Variants in C4orf51 observed in about 807,000 individuals in gnomAD.
C4orf51 encodes uncharacterized protein C4orf51.
A neutral mutation model predicts 25.2 loss-of-function variants in C4orf51; 25 were observed. The observed-to-expected ratio is 0.99, with a 90% CI of 0.72 to 1.39. The LOEUF (loss-of-function observed/expected upper bound fraction) is 1.39, where lower values mean the gene tolerates loss of function less well. C4orf51 is among the 40% of genes most tolerant of loss of function. The pLI, the probability that C4orf51 is intolerant of heterozygous loss-of-function variation, is 0.00. For synonymous variants in C4orf51, 100 were observed against 84.5 expected, an observed-to-expected ratio of 1.18 and a Z score of -1.01; for missense variants, 252 against 239.6, an observed-to-expected ratio of 1.05 and a Z score of -0.34.
At chr4:145,684,070 C>T (rs947452817) in intron 1 of C4orf51, among the ~76,000 whole-genome samples, 9 of 151,956 alleles carry the variant, frequency 5.9e-5, no homozygotes, top group African/African-American at 1.2e-4. Context: ...GAACTGTTAT[C>T]GAAAATATAC....
At chr4:145,770,124 C>A (rs115413191) in intron 1 of C4orf51, among the ~76,000 whole-genome samples, 3,188 of 152,110 alleles carry the variant, frequency 0.021, 47 homozygotes, top group Non-Finnish European at 0.034. Flanking sequence ...TGGCAAAACC[C>A]CATCTCTACT....
At chr4:145,692,438 C>T (rs1729646651) in intron 1 of C4orf51, among the ~76,000 whole-genome samples, 1 of 152,138 alleles carries the variant, frequency 6.6e-6, no homozygotes, top group South Asian at 2.1e-4. Flanking sequence ...AGGAAATTGG[C>T]CCAGTGACCA....
chr4:145,714,699 G>C (rs1164572677), intron 2 of C4orf51, among the ~76,000 whole-genome samples: 1 of 152,212 alleles, frequency 6.6e-6, no homozygotes, highest in Admixed American at 6.5e-5. Context: ...CTTAGGTGGT[G>C]ACATGTTTCC....
chr4:145,722,876 G>C (rs990500962), intron 2 of C4orf51, among the ~76,000 whole-genome samples: 3 of 152,158 alleles, frequency 2.0e-5, no homozygotes, highest in African/African-American at 7.2e-5. Flanking sequence ...GCATGCAAAG[G>C]ATCTGGGCTG....
intron 2 of C4orf51, among the ~76,000 whole-genome samples, chr4:145,702,115 C>T (rs1391153343): frequency 6.6e-6 from 1 of 152,178 alleles, no homozygotes; most frequent in African/African-American, 2.4e-5. Context: ...GGATTAAAGC[C>T]TGTTATCACT....
At chr4:145,738,154 A>C (rs1192531025) in intron 1 of C4orf51, among the ~76,000 whole-genome samples, 1 of 152,174 alleles carries the variant, frequency 6.6e-6, no homozygotes, top group Non-Finnish European at 1.5e-5. Flanking sequence ...GATGCATATT[A>C]AAAATATACT....
At chr4:145,771,485 G>A (rs145750513), downstream of C4orf51, among the ~76,000 whole-genome samples, 353 of 152,304 alleles carry the variant, frequency 2.3e-3, 6 homozygotes, top group South Asian at 0.027. Context: ...ATTCCTCAAT[G>A]CCATTTATTG....
downstream of C4orf51, among the ~76,000 whole-genome samples, chr4:145,734,599 T>TC (rs1374860098): frequency 3.3e-5 from 5 of 152,248 alleles, 1 homozygote; most frequent in East Asian, 9.6e-4. Context: ...TCCTCCTGTT[T>TC]CCCCACTCCC....
At chr4:145,704,181 G>A (rs1191128157) in intron 2 of C4orf51, among the ~76,000 whole-genome samples, 2 of 152,214 alleles carry the variant, frequency 1.3e-5, no homozygotes, top group African/African-American at 2.4e-5. Flanking sequence ...AGAGAGAATA[G>A]ATGGTAAATG....
At chr4:145,736,399 C>T (rs1304180115), downstream of C4orf51, among the ~76,000 whole-genome samples, 1 of 152,040 alleles carries the variant, frequency 6.6e-6, no homozygotes, top group Non-Finnish European at 1.5e-5. Flanking sequence ...TCACCATGCA[C>T]CCTGGGGCTT....
At chr4:145,755,146 A>G (rs998729882), downstream of C4orf51, among the ~76,000 whole-genome samples, 1 of 152,198 alleles carries the variant, frequency 6.6e-6, no homozygotes, top group African/African-American at 2.4e-5. Context: ...CAAGTTGTAG[A>G]ATCATAGTTG....
At chr4:145,767,465 A>G (rs1399410928) in intron 1 of C4orf51, among the ~76,000 whole-genome samples, 1 of 152,176 alleles carries the variant, frequency 6.6e-6, no homozygotes, top group Non-Finnish European at 1.5e-5. Context: ...GAAATGGCCA[A>G]AAATTTTCCA....
chr4:145,766,705 A>G (rs915049697), intron 1 of C4orf51, among the ~76,000 whole-genome samples: 7 of 152,202 alleles, frequency 4.6e-5, no homozygotes, highest in African/African-American at 1.4e-4. Context: ...GAGACTACCC[A>G]TAGTTGGAGG....
At chr4:145,739,680 A>AGGAGATTTGAATTAT (rs1363310359) in intron 1 of C4orf51, among the ~76,000 whole-genome samples, 1 of 152,244 alleles carries the variant, frequency 6.6e-6, no homozygotes, top group Non-Finnish European at 1.5e-5. Flanking sequence ...AAATTCTCCC[A>AGGAGATTTGAATTAT]GGAGATTTGA....
intron 3 of C4orf51, among the ~76,000 whole-genome samples, chr4:145,728,047 T>TATACAC (rs1553966931): frequency 7.5e-6 from 1 of 133,350 alleles, no homozygotes; most frequent in African/African-American, 2.8e-5. Context: ...AATATATATA[T>TATACAC]ACACACACAC....
At chr4:145,702,861 C>T (rs1218996516) in intron 2 of C4orf51, among the ~76,000 whole-genome samples, 5 of 128,952 alleles carry the variant, frequency 3.9e-5, no homozygotes, top group African/African-American at 1.4e-4. Context: ...CCCACAATAT[C>T]ACCCCTTACC....
chr4:145,773,786 G>A (rs1024747528), downstream of C4orf51, among the ~76,000 whole-genome samples: 4 of 152,138 alleles, frequency 2.6e-5, no homozygotes, highest in African/African-American at 7.2e-5. Flanking sequence ...TTCTTTGGCC[G>A]CGAACACACA....
At chr4:145,777,348 G>A in the C4orf51 span, among the ~76,000 whole-genome samples, 1 of 152,130 alleles carries the variant, frequency 6.6e-6, no homozygotes, top group Non-Finnish European at 1.5e-5. Flanking sequence ...CTATCATTTG[G>A]AAAGGTTTAA....
intron 4 of C4orf51, among the ~76,000 whole-genome samples, chr4:145,729,505 G>T (rs912123112): frequency 3.3e-5 from 5 of 152,084 alleles, no homozygotes; most frequent in South Asian, 2.1e-4. Context: ...GTTTCACCGT[G>T]TTAGCCAGGA....
Sources: allele counts gnomAD v4.1 joint callset (sites outside exome capture counted in the v4.1 genomes callset), GRCh38; gene constraint gnomAD v4.1.1; transcripts MANE v1.5; gene names NCBI Gene and HGNC (gene_info 2026-07-23, HGNC 2026-07-21).